PTCD2: variants seen among roughly 807,000 people sequenced by gnomAD.
The protein encoded by PTCD2 is pentatricopeptide repeat domain 2.
Under a neutral mutation model 42.6 loss-of-function variants are expected in PTCD2, and 31 were observed. The observed-to-expected ratio is 0.73, with a 90% CI of 0.55 to 0.98. The LOEUF (loss-of-function observed/expected upper bound fraction) is 0.98. Ranked by LOEUF, PTCD2 falls within the 50% of genes least tolerant of loss-of-function variation. The pLI, the probability that PTCD2 is intolerant of heterozygous loss-of-function variation, is 0.00. For synonymous variants in PTCD2, 183 were observed against 170.9 expected (o/e 1.07, Z -0.55); for missense variants, 476 against 454.8 (o/e 1.05, Z -0.42).
At chr5:72,345,026 C>T (rs1013005015) in intron 8 of PTCD2, among the ~76,000 whole-genome samples, 13 of 152,226 alleles carry the variant, frequency 8.5e-5, no homozygotes, top group East Asian at 1.9e-4. Context: ...AGCAGACAAC[C>T]GGTCTGACCA....
At chr5:72,348,290 G>A (rs1752458931) in intron 8 of PTCD2, among the ~76,000 whole-genome samples, 1 of 152,022 alleles carries the variant, frequency 6.6e-6, no homozygotes, top group African/African-American at 2.4e-5. Context: ...ATTGAGAGAT[G>A]GAAACTGACA....
chr5:72,357,223 C>T (rs549038563), intron 9 of PTCD2, among the ~76,000 whole-genome samples: 1 of 152,308 alleles, frequency 6.6e-6, no homozygotes, highest in Non-Finnish European at 1.5e-5. Context: ...CAAATCTCGC[C>T]TCCCTGTCTT....
At chr5:72,347,315 C>T (rs1169696981) in intron 8 of PTCD2, among the ~76,000 whole-genome samples, 3 of 152,166 alleles carry the variant, frequency 2.0e-5, no homozygotes, top group Non-Finnish European at 4.4e-5. Flanking sequence ...ACCATGATCC[C>T]ACTAGTGCAT....
At chr5:72,343,154 T>G in intron 8 of PTCD2, 118 bp downstream of exon 8, 1 of 450,720 alleles carries the variant, frequency 2.2e-6, no homozygotes, top group South Asian at 6.1e-5. Context: ...CCCAAGGTTT[T>G]CATTCAAATC....
Position 72,352,690 on chromosome 5 carries a change from TA to T in PTCD2, c.884del (p.Asn295MetfsTer11). The T allele has an allele frequency of 1.2e-6, 2 of 1,604,948 alleles. No individual in the cohort carries two copies. The highest frequency in any genetic ancestry group is 1.7e-6 in the Non-Finnish European group (2 of 1,172,066). On this transcript the variant is annotated frameshift_variant, in exon 9 of 10. Transcript: ENST00000380639. LOFTEE classifies it high-confidence loss of function. ...SNMLENLIKT[L>X]KNAAEGNLSK... ...ATGTTGGAAAACCTGATAAAGACTC[TA>T]AAAAATGCTGCAGAAGGAAATTTAT... is the stretch of plus-strand genomic sequence containing the variant.
intron 4 of PTCD2, among the ~76,000 whole-genome samples, chr5:72,332,595 C>CA (rs1298140133): frequency 6.6e-6 from 1 of 152,064 alleles, no homozygotes; most frequent in African/African-American, 2.4e-5. Context: ...TGTAATAAAT[C>CA]ATAGCCATGA....
chr5:72,335,681 G>A (rs1297171092), intron 5 of PTCD2, 113 bp from the exon 6 acceptor site: 2 of 551,774 alleles, frequency 3.6e-6, no homozygotes, highest in Admixed American at 3.2e-5. Context: ...TTGAGGAATA[G>A]CTTTTATTTT....
intron 8 of PTCD2, among the ~76,000 whole-genome samples, chr5:72,349,877 A>T (rs1389122383): frequency 2.6e-5 from 4 of 152,196 alleles, no homozygotes; most frequent in Non-Finnish European, 5.9e-5. Context: ...TTTTAAGGTA[A>T]TGAGCCTTAT....
At chr5:72,328,092 G>T (rs1580144490) in intron 3 of PTCD2, among the ~76,000 whole-genome samples, 1 of 152,156 alleles carries the variant, frequency 6.6e-6, no homozygotes, top group Admixed American at 6.5e-5. Flanking sequence ...AAATTCTGCT[G>T]TTTCAGTTGT....
chr5:72,355,302 GT>G (rs1366632058), intron 9 of PTCD2, among the ~76,000 whole-genome samples: 1 of 152,130 alleles, frequency 6.6e-6, no homozygotes, highest in East Asian at 1.9e-4. Context: ...ATGATGGATA[GT>G]TTTGTTAGCT....
chr5:72,350,180 G>T (rs1288410852), intron 8 of PTCD2, among the ~76,000 whole-genome samples: 1 of 152,210 alleles, frequency 6.6e-6, no homozygotes, highest in Admixed American at 6.5e-5. Context: ...TATTAACAAA[G>T]GTGTTAAGAA....
rs1193686167 is a variant in PTCD2 at position 72,335,846 on chromosome 5, A to G, written c.600A>G (p.Lys200=). ...EMKNQDVKFT[K]DTYVLAFAIC... ...AAAACCAAGATGTGAAGTTCACCAAAGATACCTATGTTCTTGCTTTTGCAA... is the reference window on the plus strand; with the variant it reads ...AAAACCAAGATGTGAAGTTCACCAAGGATACCTATGTTCTTGCTTTTGCAA... The change falls in exon 6 of 10, where the codon AAA becomes AAG. Residue 200 remains lysine (K), a synonymous_variant. Transcript: ENST00000380639. 3 of 1,613,822 alleles carry G rather than the reference A, an allele frequency of 1.9e-6. No homozygotes were observed. The highest frequency in any genetic ancestry group is 1.7e-5 in the Admixed American group (1 of 60,012).
intron 4 of PTCD2, among the ~76,000 whole-genome samples, chr5:72,334,550 C>CT (rs66665974): frequency 2.5e-4 from 36 of 146,484 alleles, no homozygotes; most frequent in East Asian, 9.9e-4. Context: ...TAACTTTTTT[C>CT]TTTTTTTTTT....
chr5:72,320,654 G>A, intron 1 of PTCD2, 145 bp downstream of exon 1: 1 of 1,122,612 alleles, frequency 8.9e-7, no homozygotes. Context: ...GTTGCACGTG[G>A]GTGCAGTGGT....
rs557857782 is a variant in PTCD2 at position 72,364,263 on chromosome 5, A to G, written c.*5836A>G. On this transcript the variant is annotated 3_prime_UTR_variant, in exon 10 of 10. Coordinates refer to ENST00000380639, the MANE Select transcript of PTCD2 (RefSeq NM_024754.5). ...GATTTTTTAAATGTCCTCTGTTCCCATGGAGCTTGCATTCTGCAAGAGCAA... is the reference window on the plus strand; with the variant it reads ...GATTTTTTAAATGTCCTCTGTTCCCGTGGAGCTTGCATTCTGCAAGAGCAA... 5 of 152,384 alleles carry G rather than the reference A, an allele frequency of 3.3e-5. No individual in the cohort carries two copies. In the East Asian group the frequency reaches 9.6e-4, roughly 29 times the overall value. 9.4% of individuals were successfully genotyped at this position (152,384 alleles called of 1,614,324 possible).
chr5:72,354,943 C>T (rs1752801226), intron 9 of PTCD2, among the ~76,000 whole-genome samples: 2 of 152,142 alleles, frequency 1.3e-5, no homozygotes, highest in South Asian at 4.1e-4. Context: ...ATATGGATCA[C>T]TTAAATATGT....
intron 3 of PTCD2, among the ~76,000 whole-genome samples, chr5:72,329,394 G>A (rs574802170): frequency 6.6e-5 from 10 of 152,268 alleles, no homozygotes; most frequent in African/African-American, 2.2e-4. Flanking sequence ...TAATACCCTC[G>A]TTATGTTGAC....
rs569611543 is a variant in PTCD2, at chr5:72,347,143, G to T, written c.828+4107G>T. 5.3e-5 allele frequency among the ~76,000 whole-genome samples: 8 copies of T among 152,286 alleles called. No individual in the cohort carries two copies. The South Asian group carries it at 8.3e-4, about 16-fold the overall frequency. ...AGTTCTCCCAACTAAATAAATAGCA[G>T]AGTCAGGGTTTTAACACCAACAACT... On this transcript the variant is annotated intron_variant, in intron 8 of 9. Transcript: ENST00000380639.
At chr5:72,335,151 G>C (rs1751662724) in intron 5 of PTCD2, 55 bp downstream of exon 5, 3 of 970,884 alleles carry the variant, frequency 3.1e-6, no homozygotes, top group Non-Finnish European at 3.3e-6. Context: ...GCTGGCATAG[G>C]AACTAGGGGG....
Sources: allele counts gnomAD v4.1 joint callset (sites outside exome capture counted in the v4.1 genomes callset), GRCh38; gene constraint gnomAD v4.1.1; transcripts MANE v1.5; gene names NCBI Gene and HGNC (gene_info 2026-07-23, HGNC 2026-07-21).